OSTM1: variants seen among roughly 807,000 people sequenced by gnomAD.
The protein encoded by OSTM1 is osteoclastogenesis associated transmembrane protein 1.
OSTM1 carries 26 observed loss-of-function variants against 35.4 expected under a neutral mutation model. The ratio of observed to expected loss-of-function variants is 0.73; its 90% CI spans 0.54 to 1.02. The LOEUF is 1.02. Among genes scored for constraint, OSTM1 ranks in the 50% least tolerant of loss-of-function variants. OSTM1 has a pLI of 0.00. For missense variants in OSTM1, 366 were observed against 409.6 expected, an observed-to-expected ratio of 0.89 and a Z score of 0.92; for synonymous variants, 181 against 165.0, an observed-to-expected ratio of 1.10 and a Z score of -0.75.
intron 4 of OSTM1, among the ~76,000 whole-genome samples, chr6:108,050,597 C>T (rs896380682): frequency 3.3e-5 from 5 of 151,926 alleles, no homozygotes; most frequent in African/African-American, 9.7e-5. Flanking sequence ...CTCCTGACTT[C>T]GTGATCTGCC....
At position 108,054,627 on chromosome 6, in the gene OSTM1, G is replaced by C. The variant is rs747209144; in HGVS notation, c.518-40C>G. The C allele has an allele frequency of 5.4e-6, 5 of 921,270 alleles. No homozygotes were observed. The East Asian group carries it at 1.2e-4, about 23-fold the overall frequency. 57.1% of individuals were successfully genotyped at this position (921,270 alleles called of 1,614,324 possible). On this transcript the variant is annotated intron_variant, in intron 2 of 5. Coordinates refer to ENST00000193322, the MANE Select transcript of OSTM1 (RefSeq NM_014028.4). ...CAAAAAGTATATTAATATAACTCAA[G>C]GAACAATTCTATGTTGTCATTTATA...
At chr6:108,046,071 GGCTCACTGCAA>G (rs1368655056) in intron 5 of OSTM1, among the ~76,000 whole-genome samples, 1 of 150,498 alleles carries the variant, frequency 6.6e-6, no homozygotes, top group Non-Finnish European at 1.5e-5. Context: ...GCTCGAACTT[GGCTCACTGCAA>G]GCTCCGCCTC....
intron 3 of OSTM1, among the ~76,000 whole-genome samples, chr6:108,052,607 C>T (rs1427515001): frequency 6.7e-6 from 1 of 148,252 alleles, no homozygotes; most frequent in Non-Finnish European, 1.5e-5. Context: ...CCTCAACCTT[C>T]CAAAGTGCTG....
At chr6:108,058,555 G>C (rs764901088) in intron 2 of OSTM1, among the ~76,000 whole-genome samples, 17 of 152,186 alleles carry the variant, frequency 1.1e-4, no homozygotes, top group Non-Finnish European at 1.9e-4. Context: ...TTGGGAGGCC[G>C]AGGCAGGTGG....
chr6:108,060,992 T>C (rs1562373960), intron 2 of OSTM1: 1 of 152,164 alleles, frequency 6.6e-6, no homozygotes, highest in Non-Finnish European at 1.5e-5. Flanking sequence ...AATTAACTGA[T>C]TTTAAATTAT....
Position 108,054,559 on chromosome 6 carries a change from T to C in OSTM1, c.546A>G (p.Leu182=), listed in dbSNP as rs766203171. ...ANCLTNNSEE[L]SNSTVYFLNL... is the part of the protein sequence containing the mutation. The stretch of plus-strand genomic sequence containing the variant: ...TAAGGAAATATACTGTGCTGTTTGA[T>C]AATTCTTCACTGTTGTTTGTTAAAC... The change falls in exon 3 of 6, where the codon TTA becomes TTG. Residue 182 remains leucine (L), a synonymous_variant. Coordinates refer to ENST00000193322, the MANE Select transcript of OSTM1 (RefSeq NM_014028.4). The C allele has an allele frequency of 1.3e-6, 2 of 1,569,930 alleles. No individual in the cohort carries two copies. Among genetic ancestry groups the C allele is most frequent in the Non-Finnish European group, 1.8e-6 (2 of 1,142,182 alleles).
intron 2 of OSTM1, among the ~76,000 whole-genome samples, chr6:108,057,227 T>G (rs1325995448): frequency 3.3e-5 from 5 of 152,188 alleles, no homozygotes. Flanking sequence ...AGAACTTGTC[T>G]CATTGCCCCT....
intron 1 of OSTM1, among the ~76,000 whole-genome samples, chr6:108,068,044 C>T (rs561603832): frequency 1.3e-5 from 2 of 152,242 alleles, no homozygotes; most frequent in East Asian, 3.9e-4. Context: ...CAAATTCACT[C>T]TTGTTAGTGT....
chr6:108,045,244 C>T (rs1474311262), intron 5 of OSTM1, among the ~76,000 whole-genome samples: 1 of 151,926 alleles, frequency 6.6e-6, no homozygotes, highest in Non-Finnish European at 1.5e-5. Context: ...GAAAACTTCC[C>T]CAACCTGATA....
At chr6:108,074,127 A>G (rs1457270431) in intron 1 of OSTM1, 123 bp downstream of exon 1, 1 of 959,348 alleles carries the variant, frequency 1.0e-6, no homozygotes, top group Non-Finnish European at 1.6e-6. Context: ...AACTCTACAG[A>G]CTCAGTCCAA....
At chr6:108,069,567 G>A (rs1043573593) in intron 1 of OSTM1, among the ~76,000 whole-genome samples, 19 of 152,094 alleles carry the variant, frequency 1.2e-4, no homozygotes, top group Admixed American at 1.2e-3. Flanking sequence ...AAGTAGAATA[G>A]GACAGAGCCT....
chr6:108,072,868 C>T (rs942701555), intron 1 of OSTM1, among the ~76,000 whole-genome samples: 8 of 152,148 alleles, frequency 5.3e-5, no homozygotes, highest in Non-Finnish European at 1.0e-4. Context: ...AGTGATTCTT[C>T]TGCCTCAGCT....
intron 1 of OSTM1, among the ~76,000 whole-genome samples, chr6:108,066,708 A>C (rs1050259358): frequency 2.6e-5 from 4 of 152,184 alleles, no homozygotes; most frequent in Admixed American, 2.0e-4. Context: ...ACAACTGCTG[A>C]AGAGTTTGGC....
At chr6:108,063,155 G>A (rs1772312271) in intron 2 of OSTM1, among the ~76,000 whole-genome samples, 3 of 152,066 alleles carry the variant, frequency 2.0e-5, no homozygotes, top group Non-Finnish European at 4.4e-5. Flanking sequence ...TAGGACTACA[G>A]TCACACACCA....
At chr6:108,069,915 TA>T (rs1472717966) in intron 1 of OSTM1, among the ~76,000 whole-genome samples, 1 of 152,176 alleles carries the variant, frequency 6.6e-6, no homozygotes, top group Non-Finnish European at 1.5e-5. Context: ...TTTTTCTCCT[TA>T]TTATACTCCT....
At chr6:108,061,979 A>C (rs1398864216) in intron 2 of OSTM1, among the ~76,000 whole-genome samples, 1 of 152,168 alleles carries the variant, frequency 6.6e-6, no homozygotes, top group African/African-American at 2.4e-5. Context: ...GGATGCTTGA[A>C]ACCAAGTATA....
At chr6:108,073,991 T>C (rs529846084) in intron 1 of OSTM1, among the ~76,000 whole-genome samples, 157 of 151,394 alleles carry the variant, frequency 1.0e-3, no homozygotes, top group African/African-American at 3.5e-3. Context: ...AGCAAGAGGG[T>C]TGGGGAATCA....
chr6:108,062,027 C>T (rs1291909271), intron 2 of OSTM1, among the ~76,000 whole-genome samples: 1 of 150,850 alleles, frequency 6.6e-6, no homozygotes, highest in African/African-American at 2.5e-5. Context: ...TTTTCTATTT[C>T]TATGTTTTTT....
rs568128004 is a variant in OSTM1, at chr6:108,054,574, G to C, written c.531C>G (p.Asn177Lys). The C allele has an allele frequency of 6.5e-7, 1 of 1,527,202 alleles. No homozygotes were observed. Among genetic ancestry groups the C allele is most frequent in the East Asian group, 2.3e-5 (1 of 44,262 alleles). The allele number at this position is 1,527,202 out of a possible 1,614,324, so 94.6% of individuals were successfully genotyped here. ...TGCTGTTTGATAATTCTTCACTGTT[G>C]TTTGTTAAACAATCTGTCAAAAAAA... is the stretch of plus-strand genomic sequence containing the variant. ...QEANCANCLTNNSEELSNSTV... is the reference protein window; with the variant it reads ...QEANCANCLTKNSEELSNSTV... Residue 177 changes from asparagine (N) to lysine (K), a missense_variant, in exon 3 of 6, where the codon AAC (asparagine) becomes AAG (lysine). This residue lies in a region of OSTM1 where 236 missense variants were observed against 239.3 expected (regional missense o/e 0.99). Transcript: ENST00000193322.
Sources: allele counts gnomAD v4.1 joint callset (sites outside exome capture counted in the v4.1 genomes callset), GRCh38; gene constraint gnomAD v4.1.1; regional missense constraint gnomAD v4.1.1; transcripts MANE v1.5; gene names NCBI Gene and HGNC (gene_info 2026-07-23, HGNC 2026-07-21).